Variants in HIC1 observed in about 807,000 individuals in gnomAD.
HIC1 encodes hypermethylated in cancer 1 protein.
HIC1 carries 9 observed loss-of-function variants against 26.4 expected under a neutral mutation model. The observed-to-expected ratio is 0.34, with a 90% confidence interval of 0.21 to 0.59. The LOEUF (loss-of-function observed/expected upper bound fraction) is 0.59. Ranked by LOEUF, HIC1 falls within the 20% of genes least tolerant of loss-of-function variation. The pLI is 0.82. For missense variants in HIC1, 965 were observed against 1,075.7 expected (o/e 0.90, Z 1.44); for synonymous variants, 631 against 523.1 (o/e 1.21, Z -2.81).
At chr17:2,056,393 G>C in intron 1 of HIC1, 1 of 1,587,314 alleles carries the variant, frequency 6.3e-7, no homozygotes. Context: ...TTTTCTTCTC[G>C]GAAGCCCCAG....
In HIC1 at chr17:2,057,611, T is replaced by A; in HGVS notation, c.921T>A (p.Ser307Arg). Residue 307 changes from serine (S) to arginine (R), a missense_variant, in exon 2 of 2, where the codon AGT (serine) becomes AGA (arginine). This residue lies in a region of HIC1 where 526 missense variants were observed against 525.0 expected (regional missense o/e 1.00). Coordinates refer to ENST00000619757, the MANE Select transcript of HIC1 (RefSeq NM_006497.4). Reference sequence around the variant, plus strand: ...CCCCCGGCCGCCCCGACGGGCCTAGTCTCCTCTATCGCTGGATGAAGCACG... The same window carrying A: ...CCCCCGGCCGCCCCGACGGGCCTAGACTCCTCTATCGCTGGATGAAGCACG... ...PEPPGRPDGPSLLYRWMKHEP... is the reference protein window; with the variant it reads ...PEPPGRPDGPRLLYRWMKHEP... 2 of 1,512,314 alleles carry A rather than the reference T, an allele frequency of 1.3e-6. No homozygotes were observed. The highest frequency in any genetic ancestry group is 2.4e-5 in the South Asian group (2 of 82,000). The allele number at this position is 1,512,314 out of a possible 1,614,324, so 93.7% of individuals were successfully genotyped here.
rs2067721269 is a variant in HIC1 at position 2,059,836 on chromosome 17, G to A, written c.*1001G>A. ...CAGTCCCAGAAACAGATCAGCAAGA[G>A]GTCAGGTATGTTTCATAACTAAAAA... On this transcript the variant is annotated 3_prime_UTR_variant, in exon 2 of 2. Transcript: ENST00000619757. The A allele has an allele frequency of 6.0e-6, 1 of 166,712 alleles. No individual in the cohort carries two copies. Among genetic ancestry groups the A allele is most frequent in the South Asian group, 2.1e-4 (1 of 4,830 alleles). 10.3% of individuals were successfully genotyped at this position (166,712 alleles called of 1,614,324 possible).
Position 2,058,952 on chromosome 17 carries a change from G to A in HIC1, c.*117G>A, listed in dbSNP as rs1345750749. ...CCGGGACAACCGCAGCGTCGCCACA[G>A]TGGCGGCTCCACCTCTCGGCGGCCT... On this transcript the variant is annotated 3_prime_UTR_variant, in exon 2 of 2. Coordinates refer to ENST00000619757, the MANE Select transcript of HIC1 (RefSeq NM_006497.4). The A allele has an allele frequency of 2.4e-5, 23 of 955,970 alleles. No individual in the cohort carries two copies. The highest frequency in any genetic ancestry group is 3.2e-5 in the Non-Finnish European group (22 of 691,106). The allele number at this position is 955,970 out of a possible 1,614,324, so 59.2% of individuals were successfully genotyped here.
chr17:2,057,324 G>A lies in HIC1; in HGVS notation c.634G>A (p.Ala212Thr), dbSNP rs1313928524. The change falls in exon 2 of 2, where the codon GCC (alanine) becomes ACC (threonine). Residue 212 changes from alanine to threonine, a missense_variant. This residue lies in a region of HIC1 where 526 missense variants were observed against 525.0 expected (regional missense o/e 1.00). Transcript: ENST00000619757. The part of the protein sequence containing the change: ...SGPGPAAALC[A>T]SERRCSPLCG... ...ACCCGGCCCGGCCGCCGCACTCTGT[G>A]CCTCGGAGCGCCGCTGCTCCCCTCT... 2 of 1,501,514 alleles carry A rather than the reference G, an allele frequency of 1.3e-6. No homozygotes were observed. Among genetic ancestry groups the A allele is most frequent in the African/African-American group, 1.4e-5 (1 of 69,270 alleles). 93.0% of individuals were successfully genotyped at this position (1,501,514 alleles called of 1,614,324 possible).
In HIC1 at chr17:2,057,773, C is replaced by T; in HGVS notation, c.1083C>T (p.Tyr361=). Residue 361 remains tyrosine, a synonymous_variant, in exon 2 of 2, where the codon TAC becomes TAT. Transcript: ENST00000619757. ...TCGGCCTGGCGCCGCCGCCGCGCTA[C>T]CCTGGCAGCCTGGACGGGCCCGGCG... ...PPLGLAPPPR[Y]PGSLDGPGAG... 5 of 1,494,968 alleles carry T rather than the reference C, an allele frequency of 3.3e-6. No homozygotes were observed. In the South Asian group the frequency reaches 6.3e-5, roughly 19 times the overall value. The allele number at this position is 1,494,968 out of a possible 1,614,324, so 92.6% of individuals were successfully genotyped here.
rs777936944 is a variant in HIC1, at chr17:2,061,476, C to G, written c.*2641C>G. On this transcript the variant is annotated 3_prime_UTR_variant, in exon 2 of 2. Coordinates refer to ENST00000619757, the MANE Select transcript of HIC1 (RefSeq NM_006497.4). ...CAGGAACGGTTCCACGGGGGGGGGG[C>G]CCCAGTGTGGCTCCCTCAGCCCACC... The G allele has an allele frequency of 3.4e-3, 4,634 of 1,354,564 alleles. 14 individuals carry two copies. The highest frequency in any genetic ancestry group is 4.2e-3 in the East Asian group (145 of 34,724). 83.9% of individuals were successfully genotyped at this position (1,354,564 alleles called of 1,614,324 possible).
Position 2,057,075 on chromosome 17 carries a change from C to T in HIC1, c.385C>T (p.Arg129Cys). ...IPDLVALCKK[R>C]LKRHGKYCHL... Reference sequence around the variant, plus strand: ...CGACCTCGTGGCGCTGTGCAAGAAACGCCTCAAGCGCCACGGCAAGTACTG... The same window carrying T: ...CGACCTCGTGGCGCTGTGCAAGAAATGCCTCAAGCGCCACGGCAAGTACTG... The change falls in exon 2 of 2, where the codon CGC becomes TGC. Residue 129 changes from arginine to cysteine, a missense_variant. Arg to Cys is a radical substitution (Grantham distance 180, BLOSUM62 -3). Transcript: ENST00000619757. 2 of 1,412,614 alleles carry T rather than the reference C, an allele frequency of 1.4e-6. No homozygotes were observed. The highest frequency in any genetic ancestry group is 9.2e-7 in the Non-Finnish European group (1 of 1,090,518). 87.5% of individuals were successfully genotyped at this position (1,412,614 alleles called of 1,614,324 possible).
At position 2,060,005 on chromosome 17, in the gene HIC1, T is replaced by C. The variant is rs2067727504; in HGVS notation, c.*1170T>C. The C allele has an allele frequency of 6.6e-6, 1 of 152,198 alleles. No homozygotes were observed. The highest frequency in any genetic ancestry group is 2.4e-5 in the African/African-American group (1 of 41,404). 9.4% of individuals were successfully genotyped at this position (152,198 alleles called of 1,614,324 possible). ...GGACCCTGTACTCCAAAGAGCCCAG[T>C]CTTCTGAGACTCTAGGGGACTCCTA... On this transcript the variant is annotated 3_prime_UTR_variant, in exon 2 of 2. Coordinates refer to ENST00000619757, the MANE Select transcript of HIC1 (RefSeq NM_006497.4).
At chr17:2,056,190 C>T in intron 1 of HIC1, 1 of 869,458 alleles carries the variant, frequency 1.2e-6, no homozygotes. Flanking sequence ...GGCGCCAGGG[C>T]GGGCACCGCG....
chr17:2,057,493 C>G lies in HIC1; in HGVS notation c.803C>G (p.Pro268Arg). Reference protein sequence around the residue: ...AAYKEPPLALPSLPPLPFQKL... With the variant: ...AAYKEPPLALRSLPPLPFQKL... ...TACAAGGAGCCGCCTCTCGCCCTGC[C>G]GTCGCTGCCGCCGCTGCCCTTCCAG... The change falls in exon 2 of 2, where the codon CCG becomes CGG. Residue 268 changes from proline to arginine, a missense_variant. Physicochemically the swap from Pro to Arg is moderately radical, Grantham distance 103. Coordinates refer to ENST00000619757, the MANE Select transcript of HIC1 (RefSeq NM_006497.4). The G allele has an allele frequency of 2.0e-6, 3 of 1,484,744 alleles. No individual in the cohort carries two copies. Among genetic ancestry groups the G allele is most frequent in the Non-Finnish European group, 2.7e-6 (3 of 1,123,886 alleles). 92.0% of individuals were successfully genotyped at this position (1,484,744 alleles called of 1,614,324 possible).
chr17:2,057,065 G>A lies in HIC1; in HGVS notation c.375G>A (p.Leu125=). 3 of 1,445,420 alleles carry A rather than the reference G, an allele frequency of 2.1e-6. No individual in the cohort carries two copies. Among genetic ancestry groups the A allele is most frequent in the Non-Finnish European group, 2.7e-6 (3 of 1,105,766 alleles). 89.5% of individuals were successfully genotyped at this position (1,445,420 alleles called of 1,614,324 possible). A position where few individuals can be genotyped will look rare whatever the true frequency, so the allele number is the denominator to read the frequency against. The change falls in exon 2 of 2, where the codon CTG becomes CTA. Residue 125 remains leucine (L), a synonymous_variant. Coordinates refer to ENST00000619757, the MANE Select transcript of HIC1 (RefSeq NM_006497.4). ...TGCAGATCCCCGACCTCGTGGCGCT[G>A]TGCAAGAAACGCCTCAAGCGCCACG... ...SYLQIPDLVA[L]CKKRLKRHGK... is the part of the protein sequence containing the mutation.
Position 2,059,165 on chromosome 17 carries a change from G to A in HIC1, c.*330G>A. 1 of 282,350 alleles carries A rather than the reference G, an allele frequency of 3.5e-6. No homozygotes were observed. The highest frequency in any genetic ancestry group is 7.0e-6 in the Non-Finnish European group (1 of 143,206). 17.5% of individuals were successfully genotyped at this position (282,350 alleles called of 1,614,324 possible). A position where few individuals can be genotyped will look rare whatever the true frequency, so the allele number is the denominator to read the frequency against. ...CGGCTCCGCGCTGCTCTTAGAGGGG[G>A]AGGGGTGTCACTGTCGGGGCACTCC... On this transcript the variant is annotated 3_prime_UTR_variant, in exon 2 of 2. Coordinates refer to ENST00000619757, the MANE Select transcript of HIC1 (RefSeq NM_006497.4).
At position 2,061,455 on chromosome 17, in the gene HIC1, A is replaced by G; in HGVS notation, c.*2620A>G. 6.7e-7 allele frequency: 1 copy of G among 1,495,134 alleles called. No homozygotes were observed. Among genetic ancestry groups the G allele is most frequent in the East Asian group, 2.6e-5 (1 of 39,102 alleles). The allele number at this position is 1,495,134 out of a possible 1,614,324, so 92.6% of individuals were successfully genotyped here. Reference sequence around the variant, plus strand: ...ACTGGGCGCCTGGTGGCCTTTCAGGAACGGTTCCACGGGGGGGGGGCCCCA... The same window carrying G: ...ACTGGGCGCCTGGTGGCCTTTCAGGGACGGTTCCACGGGGGGGGGGCCCCA... On this transcript the variant is annotated 3_prime_UTR_variant, in exon 2 of 2. Coordinates refer to ENST00000619757, the MANE Select transcript of HIC1 (RefSeq NM_006497.4).
intron 1 of HIC1, 159 bp from the exon 2 acceptor site, chr17:2,056,512 C>A: frequency 7.4e-7 from 1 of 1,347,926 alleles, no homozygotes; most frequent in Non-Finnish European, 1.0e-6. Context: ...CCTGGGCTCC[C>A]ACTCCAGAGG....
chr17:2,062,378 A>C lies in HIC1; in HGVS notation c.*3543A>C, dbSNP rs1163691822. On this transcript the variant is annotated 3_prime_UTR_variant, in exon 2 of 2. Coordinates refer to ENST00000619757, the MANE Select transcript of HIC1 (RefSeq NM_006497.4). ...TTTCTTTAGGCACATTTACAAGTAC[A>C]TACACTTGGACATATAACCTTTTTT... The C allele has an allele frequency of 6.6e-6, 1 of 152,248 alleles. No individual in the cohort carries two copies. The highest frequency in any genetic ancestry group is 6.5e-5 in the Admixed American group (1 of 15,282). The allele number at this position is 152,248 out of a possible 1,614,324, so 9.4% of individuals were successfully genotyped here. A position where few individuals can be genotyped will look rare whatever the true frequency, so the allele number is the denominator to read the frequency against.
chr17:2,057,346 C>T lies in HIC1; in HGVS notation c.656C>T (p.Pro219Leu). The change falls in exon 2 of 2, where the codon CCT becomes CTT. Residue 219 changes from proline (P) to leucine (L), a missense_variant. Transcript: ENST00000619757. ...ALCASERRCS[P>L]LCGLDLSKKS... ...TGTGCCTCGGAGCGCCGCTGCTCCC[C>T]TCTTTGTGGCCTGGACCTGTCCAAG... The T allele has an allele frequency of 6.7e-7, 1 of 1,498,074 alleles. No individual in the cohort carries two copies. The highest frequency in any genetic ancestry group is 8.8e-7 in the Non-Finnish European group (1 of 1,132,294). The allele number at this position is 1,498,074 out of a possible 1,614,324, so 92.8% of individuals were successfully genotyped here. A position where few individuals can be genotyped will look rare whatever the true frequency, so the allele number is the denominator to read the frequency against.
chr17:2,061,782 G>C lies in HIC1; in HGVS notation c.*2947G>C. The C allele has an allele frequency of 1.2e-6, 1 of 818,636 alleles. No individual in the cohort carries two copies. 50.7% of individuals were successfully genotyped at this position (818,636 alleles called of 1,614,324 possible). The stretch of plus-strand genomic sequence containing the variant: ...TTCCTCCGTCCGGGCTCTCAGCCCC[G>C]GGGACCCTCCCCTGCTGGCCTAGAG... On this transcript the variant is annotated 3_prime_UTR_variant, in exon 2 of 2. Transcript: ENST00000619757.
In HIC1 at chr17:2,061,346, C is replaced by A. The variant is rs969296366; in HGVS notation, c.*2511C>A. 1 of 794,110 alleles carries A rather than the reference C, an allele frequency of 1.3e-6. No individual in the cohort carries two copies. The highest frequency in any genetic ancestry group is 2.0e-6 in the Non-Finnish European group (1 of 510,376). The allele number at this position is 794,110 out of a possible 1,614,324, so 49.2% of individuals were successfully genotyped here. ...TCTGTGAGGAGCAGGTCCCCCACAG[C>A]ATGGCCGTGGCGTGGGTTGGAAGAG... is the stretch of plus-strand genomic sequence containing the variant. On this transcript the variant is annotated 3_prime_UTR_variant, in exon 2 of 2. Transcript: ENST00000619757.
chr17:2,058,313 C>A lies in HIC1; in HGVS notation c.1623C>A (p.Leu541=). The A allele has an allele frequency of 6.2e-7, 1 of 1,609,676 alleles. No homozygotes were observed. The highest frequency in any genetic ancestry group is 8.5e-7 in the Non-Finnish European group (1 of 1,178,636). ...GCCACATGCGCAGCCACCTGGGCCTCAAGCCCTTCGCGTGCGACGCGTGCG... is the reference window on the plus strand; with the variant it reads ...GCCACATGCGCAGCCACCTGGGCCTAAAGCCCTTCGCGTGCGACGCGTGCG... ...MTRHMRSHLG[L]KPFACDACGM... The change falls in exon 2 of 2, where the codon CTC becomes CTA. Residue 541 remains leucine (L), a synonymous_variant. Transcript: ENST00000619757.
Sources: allele counts gnomAD v4.1 joint callset, GRCh38; gene constraint gnomAD v4.1.1; regional missense constraint gnomAD v4.1.1; transcripts MANE v1.5; gene names NCBI Gene and HGNC (gene_info 2026-07-23, HGNC 2026-07-21).